Variants in AASDH observed in about 807,000 individuals in gnomAD.
The protein encoded by AASDH is beta-alanine-activating enzyme.
A neutral mutation model predicts 102.3 loss-of-function variants in AASDH; 81 were observed. The ratio of observed to expected loss-of-function variants is 0.79; its 90% CI spans 0.66 to 0.95. The LOEUF is 0.95. AASDH is among the 40% of genes least tolerant of loss of function. AASDH has a pLI of 0.00. For missense variants in AASDH, 1,203 were observed against 1,266.2 expected, an observed-to-expected ratio of 0.95 and a Z score of 0.76; for synonymous variants, 398 against 454.0, an observed-to-expected ratio of 0.88 and a Z score of 1.57.
chr4:56,338,921 A>AAAT (rs1392516423), intron 14 of AASDH, 130 bp from the exon 15 acceptor site: 45 of 934,654 alleles, frequency 4.8e-5, no homozygotes, highest in Non-Finnish European at 6.2e-5. Flanking sequence ...TACACAGACA[A>AAAT]AATGGCTTTT....
intron 4 of AASDH, among the ~76,000 whole-genome samples, chr4:56,374,428 G>A (rs1338631178): frequency 6.6e-6 from 1 of 151,042 alleles, no homozygotes; most frequent in Non-Finnish European, 1.5e-5. Flanking sequence ...AACCTTCTTG[G>A]AGCTTCCCTT....
intron 4 of AASDH, among the ~76,000 whole-genome samples, chr4:56,375,147 A>G (rs1752197941): frequency 6.6e-6 from 1 of 151,778 alleles, no homozygotes; most frequent in South Asian, 2.1e-4. Context: ...GCAGCTGCCC[A>G]AGTTCAATCA....
Position 56,338,805 on chromosome 4 carries a change from T to TAA in AASDH, c.2908-16_2908-15dup. 1 of 1,604,558 alleles carries TAA rather than the reference T, an allele frequency of 6.2e-7. No individual in the cohort carries two copies. Among genetic ancestry groups the TAA allele is most frequent in the East Asian group, 2.2e-5 (1 of 44,572 alleles). ...GAACTGCCAAACCTATAACAAGTAA[T>TAA]AAAAATAAATATAATTCATTCATCT... On this transcript the variant is annotated splice_polypyrimidine_tract_variant and intron_variant, in intron 14 of 14. Coordinates refer to ENST00000205214, the MANE Select transcript of AASDH (RefSeq NM_181806.4).
chr4:56,383,588 A>G (rs1753223798), intron 2 of AASDH, among the ~76,000 whole-genome samples: 1 of 152,208 alleles, frequency 6.6e-6, no homozygotes, highest in South Asian at 2.1e-4. Flanking sequence ...ATGATTGAAC[A>G]TTTTGCAAAT....
Position 56,354,830 on chromosome 4 carries a change from G to A in AASDH, c.1104-19C>T, listed in dbSNP as rs1375295474. On this transcript the variant is annotated intron_variant, in intron 6 of 14. Coordinates refer to ENST00000205214, the MANE Select transcript of AASDH (RefSeq NM_181806.4). ...TTCACATCTATGAAAATAAGATACA[G>A]AGCAGATTTAAAATTTTTCATTTGA... The A allele has an allele frequency of 6.4e-7, 1 of 1,551,658 alleles. No homozygotes were observed. The highest frequency in any genetic ancestry group is 8.8e-7 in the Non-Finnish European group (1 of 1,141,894).
chr4:56,342,048 G>A (rs1747755631), intron 14 of AASDH, among the ~76,000 whole-genome samples: 1 of 145,754 alleles, frequency 6.9e-6, no homozygotes, highest in South Asian at 2.2e-4. Context: ...TGAGGCGGAG[G>A]TTGCAGTGAG....
At chr4:56,361,774 C>A (rs6855929) in intron 5 of AASDH, among the ~76,000 whole-genome samples, 3,136 of 152,128 alleles carry the variant, frequency 0.021, 48 homozygotes, top group South Asian at 0.047. Context: ...AGTTCAAGAC[C>A]AGCCTGGGCA....
chr4:56,353,915 G>T, intron 8 of AASDH, 124 bp downstream of exon 8: 1 of 863,966 alleles, frequency 1.2e-6, no homozygotes, highest in Non-Finnish European at 1.7e-6. Context: ...ACCCTTTATT[G>T]TAATTCATCA....
At position 56,384,342 on chromosome 4, in the gene AASDH, C is replaced by A; in HGVS notation, c.-42-1G>T. 1 of 1,574,450 alleles carries A rather than the reference C, an allele frequency of 6.4e-7. No individual in the cohort carries two copies. The highest frequency in any genetic ancestry group is 1.1e-5 in the South Asian group (1 of 90,172). On this transcript the variant is annotated splice_acceptor_variant, in intron 1 of 14. Coordinates refer to ENST00000205214, the MANE Select transcript of AASDH (RefSeq NM_181806.4). LOFTEE classifies it low-confidence loss of function (5UTR_SPLICE). ...AAACATCAATTTGTAGCACAGAACC[C>A]TGTGTATATACAGAAGTGTTAGGGG...
intron 10 of AASDH, among the ~76,000 whole-genome samples, chr4:56,350,471 T>C (rs1053587000): frequency 6.6e-6 from 1 of 151,420 alleles, no homozygotes; most frequent in Non-Finnish European, 1.5e-5. Flanking sequence ...ATAATAATAA[T>C]AACAATTAGA....
At chr4:56,386,783 G>A (rs1419612500) in intron 1 of AASDH, among the ~76,000 whole-genome samples, 8 of 101,904 alleles carry the variant, frequency 7.9e-5, no homozygotes, top group Non-Finnish European at 1.4e-4. Flanking sequence ...CTGGGCGACA[G>A]AGCGAGACTC....
chr4:56,387,172 C>T (rs1394935493), intron 1 of AASDH, among the ~76,000 whole-genome samples, 190 bp downstream of exon 1: 2 of 152,146 alleles, frequency 1.3e-5, no homozygotes, highest in African/African-American at 4.8e-5. Context: ...AGGCTAGTGA[C>T]GCAGGAGTGT....
At chr4:56,357,309 T>G (rs936313245) in intron 5 of AASDH, among the ~76,000 whole-genome samples, 3 of 152,150 alleles carry the variant, frequency 2.0e-5, no homozygotes, top group Non-Finnish European at 4.4e-5. Flanking sequence ...CTTGCTGTGT[T>G]CTCGCATGGT....
At chr4:56,377,895 C>T (rs1752537355) in intron 4 of AASDH, among the ~76,000 whole-genome samples, 1 of 152,170 alleles carries the variant, frequency 6.6e-6, no homozygotes, top group Admixed American at 6.5e-5. Flanking sequence ...ACCTCCACCT[C>T]CTGGGTTCAA....
rs1393208870 is a variant in AASDH, at chr4:56,354,161, C to G, written c.1261G>C (p.Gly421Arg). The G allele has an allele frequency of 1.2e-6, 2 of 1,610,364 alleles. No individual in the cohort carries two copies. The highest frequency in any genetic ancestry group is 2.7e-5 in the African/African-American group (2 of 74,822). The change falls in exon 8 of 15, where the codon GGC becomes CGC. Residue 421 changes from glycine to arginine, a missense_variant. Physicochemically the swap from Gly to Arg is moderately radical, Grantham distance 125. Coordinates refer to ENST00000205214, the MANE Select transcript of AASDH (RefSeq NM_181806.4). ...FLDDEVTVPL[G>R]TMRATGDFVT... ...AAGTCTCCTGTAGCTCGCATTGTGCCAAGTGGTACTGTCACTTCATCATCA... is the reference window on the plus strand; with the variant it reads ...AAGTCTCCTGTAGCTCGCATTGTGCGAAGTGGTACTGTCACTTCATCATCA...
rs967303956 is a variant in AASDH, at chr4:56,371,631, G to A, written c.681C>T (p.Asp227=). 4 of 1,602,660 alleles carry A rather than the reference G, an allele frequency of 2.5e-6. No individual in the cohort carries two copies. The African/African-American group carries it at 5.4e-5, about 22-fold the overall frequency. Reference sequence around the variant, plus strand: ...GAAACAAAACATCTTCTTGTGTGATGTCAAAAAGTACCCTAAGGCAAAACA... The same window carrying A: ...GAAACAAAACATCTTCTTGTGTGATATCAAAAAGTACCCTAAGGCAAAACA... ...PNIQHFRVLF[D]ITQEDVLFLA... The change falls in exon 5 of 15, where the codon GAC becomes GAT. Residue 227 remains aspartate (D), a synonymous_variant. Transcript: ENST00000205214.
At position 56,338,513 on chromosome 4, in the gene AASDH, T is replaced by A. The variant is rs1463832467; in HGVS notation, c.3186A>T (p.Glu1062Asp). 6.2e-7 allele frequency: 1 copy of A among 1,613,954 alleles called. No individual in the cohort carries two copies. The highest frequency in any genetic ancestry group is 1.1e-5 in the South Asian group (1 of 90,988). ...GAGAAGAGAAGACTTCTCCAGGAAG[T>A]TCATAAACACTTTGCAATTGTCCAC... is the stretch of plus-strand genomic sequence containing the variant. Reference protein sequence around the residue: ...SQSGQLQSVYELPGEVFSSPV... With the variant: ...SQSGQLQSVYDLPGEVFSSPV... The change falls in exon 15 of 15, where the codon GAA (glutamate) becomes GAT (aspartate). Residue 1062 changes from glutamate (E) to aspartate (D), a missense_variant. Glu to Asp is a conservative substitution (Grantham distance 45, BLOSUM62 2). Coordinates refer to ENST00000205214, the MANE Select transcript of AASDH (RefSeq NM_181806.4).
intron 4 of AASDH, among the ~76,000 whole-genome samples, chr4:56,373,120 AATATTTCT>A (rs2109977035): frequency 6.6e-6 from 1 of 152,260 alleles, no homozygotes; most frequent in Admixed American, 6.5e-5. Context: ...AGGTTAGAGT[AATATTTCT>A]ATATTTCTAG....
At chr4:56,342,789 A>T (rs9996468) in intron 14 of AASDH, 46 bp downstream of exon 14, 375,064 of 721,668 alleles carry the variant, frequency 0.52, 97,895 homozygotes, top group South Asian at 0.55. Context: ...ATATACATTT[A>T]TATATATATA....
Sources: gnomAD v4.1 joint callset for allele counts (sites outside exome capture counted in the v4.1 genomes callset) on GRCh38, gnomAD v4.1.1 for gene constraint, MANE v1.5 for transcripts, NCBI Gene and HGNC (gene_info 2026-07-23, HGNC 2026-07-21) for gene names.